The following DNAH5 variants were observed in gnomAD, a reference collection of about 807,000 sequenced individuals.
DNAH5 encodes axonemal beta dynein heavy chain 5.
In DNAH5, 372 loss-of-function variants were observed where a neutral mutation model predicts 518.2. The ratio of observed to expected loss-of-function variants is 0.72; its 90% CI spans 0.66 to 0.78. The LOEUF is 0.78. Ranked by LOEUF, DNAH5 falls within the 30% of genes least tolerant of loss-of-function variation. The probability of loss-of-function intolerance (pLI) is 0.00; values close to 1 mark genes in which losing one functional copy is unlikely to be tolerated. For missense variants in DNAH5, 5,523 were observed against 5,687.0 expected, an observed-to-expected ratio of 0.97 and a Z score of 0.93; for synonymous variants, 2,039 against 2,025.9, an observed-to-expected ratio of 1.01 and a Z score of -0.17.
At chr5:13,813,900 A>G (rs1475711174) in intron 43 of DNAH5, among the ~76,000 whole-genome samples, 1 of 152,190 alleles carries the variant, frequency 6.6e-6, no homozygotes, top group Non-Finnish European at 1.5e-5. Flanking sequence ...ATCATCTTCG[A>G]AAAACTTAGG....
intron 17 of DNAH5, among the ~76,000 whole-genome samples, chr5:13,889,521 G>A (rs1772899218): frequency 6.6e-6 from 1 of 152,210 alleles, no homozygotes. Context: ...TGGAAGCTTG[G>A]ATTTTAGGAG....
At chr5:13,991,575 AAAG>A (rs1268424852) in intron 1 of DNAH5, among the ~76,000 whole-genome samples, 7 of 132,922 alleles carry the variant, frequency 5.3e-5, no homozygotes, top group Admixed American at 2.9e-4. Flanking sequence ...GGAAGAGGAG[AAAG>A]AGGAGGAGGA....
At chr5:13,910,822 C>T (rs1379276700) in intron 12 of DNAH5, among the ~76,000 whole-genome samples, 1 of 152,164 alleles carries the variant, frequency 6.6e-6, no homozygotes, top group Non-Finnish European at 1.5e-5. Context: ...TCCTGTGAAA[C>T]AGTCTCAGAA....
At position 13,871,728 on chromosome 5, in the gene DNAH5, T is replaced by C. The variant is rs371224292; in HGVS notation, c.3434A>G (p.Asn1145Ser). Reference protein sequence around the residue: ...ITSMDCFKRYNHIWQKGKEEA... With the variant: ...ITSMDCFKRYSHIWQKGKEEA... ...TTCTTTTCCCTTTTGCCAAATGTGA[T>C]TGTAGCGTTTGAAGCAATCCATGGA... Residue 1145 changes from asparagine (N) to serine (S), a missense_variant, in exon 23 of 79, where the codon AAT becomes AGT. This residue lies in a region of DNAH5 where 5,121 missense variants were observed against 5,223.3 expected (regional missense o/e 0.98). Coordinates refer to ENST00000265104, the MANE Select transcript of DNAH5 (RefSeq NM_001369.3). 4.3e-6 allele frequency: 7 copies of C among 1,613,558 alleles called. No individual in the cohort carries two copies. The highest frequency in any genetic ancestry group is 4.5e-5 in the East Asian group (2 of 44,876).
At chr5:14,011,676 G>A (rs1015913862) in exon 1 of DNAH5, among the ~76,000 whole-genome samples, 2 of 152,114 alleles carry the variant, frequency 1.3e-5, no homozygotes, top group Non-Finnish European at 2.9e-5. Context: ...GTGCTGCGGC[G>A]CTCCGCTGGG....
At chr5:13,955,343 C>T (rs1010942312) in intron 1 of DNAH5, among the ~76,000 whole-genome samples, 1 of 152,128 alleles carries the variant, frequency 6.6e-6, no homozygotes, top group African/African-American at 2.4e-5. Context: ...TCAATTAAAC[C>T]TCTTTTCTTC....
chr5:13,925,669 C>T (rs1054265018), intron 3 of DNAH5, among the ~76,000 whole-genome samples: 3 of 152,190 alleles, frequency 2.0e-5, no homozygotes. Flanking sequence ...CAGAACAGCA[C>T]AGGAAAGACC....
intron 31 of DNAH5, among the ~76,000 whole-genome samples, chr5:13,846,256 T>C (rs905736693): frequency 6.6e-6 from 1 of 152,106 alleles, no homozygotes; most frequent in African/African-American, 2.4e-5. Context: ...TAGTACCTGA[T>C]AGGTAGTTTT....
At chr5:13,823,174 A>G in intron 40 of DNAH5, 89 bp downstream of exon 40, 2 of 889,874 alleles carry the variant, frequency 2.2e-6, no homozygotes, top group Non-Finnish European at 3.8e-6. Context: ...CTCAGAGTGC[A>G]TAGGTTGGAG....
intron 59 of DNAH5, among the ~76,000 whole-genome samples, chr5:13,764,525 C>T (rs992539570): frequency 1.4e-4 from 21 of 152,262 alleles, no homozygotes; most frequent in African/African-American, 5.1e-4. Context: ...TAATAAGACA[C>T]CACTACAAAC....
chr5:13,776,815 A>G, intron 54 of DNAH5, 109 bp from the exon 55 acceptor site: 2 of 1,239,102 alleles, frequency 1.6e-6, no homozygotes, highest in South Asian at 2.6e-5. Context: ...TCTTGAACTC[A>G]CCTACAGAAA....
chr5:13,949,377 A>T (rs1266167132), upstream of DNAH5, among the ~76,000 whole-genome samples: 1 of 152,226 alleles, frequency 6.6e-6, no homozygotes, highest in Non-Finnish European at 1.5e-5. Flanking sequence ...AGGAACCAAT[A>T]ATATAGTATT....
At chr5:13,913,505 G>A (rs1463642093) in intron 11 of DNAH5, among the ~76,000 whole-genome samples, 1 of 151,916 alleles carries the variant, frequency 6.6e-6, no homozygotes, top group Non-Finnish European at 1.5e-5. Flanking sequence ...TTTTAATGGT[G>A]ATTAATTTTA....
intron 43 of DNAH5, among the ~76,000 whole-genome samples, chr5:13,813,326 T>C (rs1228057163): frequency 6.6e-6 from 1 of 152,172 alleles, no homozygotes; most frequent in Non-Finnish European, 1.5e-5. Flanking sequence ...TGTATAAAAG[T>C]ATTTTTCAAA....
chr5:13,692,668 T>C (rs943844864), intron 78 of DNAH5, among the ~76,000 whole-genome samples: 4 of 152,160 alleles, frequency 2.6e-5, no homozygotes, highest in South Asian at 2.1e-4. Context: ...AGAAATAAAA[T>C]TGCTGGGACG....
At chr5:13,913,682 C>T in intron 11 of DNAH5, 61 bp downstream of exon 11, 1 of 1,579,110 alleles carries the variant, frequency 6.3e-7, no homozygotes, top group Non-Finnish European at 8.7e-7. Flanking sequence ...CTGTTATTTG[C>T]ATAAAATATT....
intron 29 of DNAH5, chr5:13,860,548 C>G (rs1014112087): frequency 6.6e-6 from 1 of 152,088 alleles, no homozygotes; most frequent in Non-Finnish European, 1.5e-5. Flanking sequence ...AACTCTTCTA[C>G]ATGAAATGTG....
chr5:13,911,516 A>C, intron 11 of DNAH5, 23 bp from the exon 12 acceptor site: 1 of 1,548,104 alleles, frequency 6.5e-7, no homozygotes, highest in South Asian at 1.1e-5. Flanking sequence ...GAGATAAATT[A>C]GATAATATTT....
chr5:13,771,270 A>G, intron 55 of DNAH5: 1 of 420,208 alleles, frequency 2.4e-6, no homozygotes, highest in South Asian at 2.3e-5. Context: ...TCTGGTCAGC[A>G]GCCAACCTGT....
Sources: allele counts gnomAD v4.1 joint callset (sites outside exome capture counted in the v4.1 genomes callset), GRCh38; gene constraint gnomAD v4.1.1; regional missense constraint gnomAD v4.1.1; transcripts MANE v1.5; gene names NCBI Gene and HGNC (gene_info 2026-07-23, HGNC 2026-07-21).